SPIRE2: variants seen among roughly 807,000 people sequenced by gnomAD.
SPIRE2 encodes the protein spire type actin nucleation factor 2.
In SPIRE2, 76 loss-of-function variants were observed where a neutral mutation model predicts 80.7. That is an observed-to-expected ratio of 0.94 (90% CI 0.78 to 1.14). SPIRE2 has a LOEUF of 1.14. Among genes scored for constraint, SPIRE2 ranks in the 50% most tolerant of loss-of-function variants. The probability of loss-of-function intolerance (pLI) is 0.00; values close to 1 mark genes in which losing one functional copy is unlikely to be tolerated. For synonymous variants in SPIRE2, 535 were observed against 432.6 expected, an observed-to-expected ratio of 1.24 and a Z score of -2.94; for missense variants, 1,196 against 1,015.3, an observed-to-expected ratio of 1.18 and a Z score of -2.42.
chr16:89,838,081 T>C (rs1403992198), intron 1 of SPIRE2, among the ~76,000 whole-genome samples: 5 of 150,986 alleles, frequency 3.3e-5, no homozygotes, highest in African/African-American at 1.2e-4. Flanking sequence ...CTCACTGCAG[T>C]CTCCGCCTCC....
chr16:89,840,429 T>G lies in SPIRE2; in HGVS notation c.245-4893T>G, dbSNP rs572734180. Among the ~76,000 whole-genome samples the G allele has an allele frequency of 2.7e-3, 409 of 150,932 alleles. 2 individuals carry two copies. The highest frequency in any genetic ancestry group is 4.4e-3 in the Non-Finnish European group (300 of 67,714). ...CAGGCCTGGCTAATTTTTTAGATTT[T>G]TAGTAGAGACGGGGTTTCACCGTGT... On this transcript the variant is annotated intron_variant, in intron 1 of 14. Coordinates refer to ENST00000378247, the MANE Select transcript of SPIRE2 (RefSeq NM_032451.2).
rs566612571 is a variant in SPIRE2 at position 89,849,107 on chromosome 16, TG to T, written c.289-1194del. On this transcript the variant is annotated intron_variant, in intron 2 of 14. Coordinates refer to ENST00000378247, the MANE Select transcript of SPIRE2 (RefSeq NM_032451.2). The stretch of plus-strand genomic sequence containing the variant: ...CTGCCCGGCTCAGGATCAGGTTTCC[TG>T]GGCTCCCAGCAGTGGGTGGTGGGGA... 2.4e-4 allele frequency among the ~76,000 whole-genome samples: 37 copies of T among 152,378 alleles called. No homozygotes were observed. The East Asian group carries it at 6.6e-3, about 27-fold the overall frequency.
At chr16:89,843,698 GTTTTTT>G (rs568062812) in intron 1 of SPIRE2, among the ~76,000 whole-genome samples, 4 of 18,216 alleles carry the variant, frequency 2.2e-4, no homozygotes, top group African/African-American at 7.9e-4. Context: ...TTTGTTTTTT[GTTTTTT>G]TTTTTTTTTT....
At chr16:89,855,173 T>C (rs774629560) in intron 5 of SPIRE2, among the ~76,000 whole-genome samples, 18 of 152,090 alleles carry the variant, frequency 1.2e-4, no homozygotes, top group South Asian at 6.2e-4. Flanking sequence ...CTCCTGACCT[T>C]GTGATCTGCC....
At chr16:89,834,343 C>A (rs1356559201) in intron 1 of SPIRE2, among the ~76,000 whole-genome samples, 1 of 139,040 alleles carries the variant, frequency 7.2e-6, no homozygotes, top group African/African-American at 2.6e-5. Flanking sequence ...AATCTGTGAA[C>A]CTGCCTGTGC....
intron 1 of SPIRE2, among the ~76,000 whole-genome samples, chr16:89,830,835 C>A (rs1240532127): frequency 1.3e-5 from 2 of 150,494 alleles, no homozygotes; most frequent in African/African-American, 4.9e-5. Context: ...CATTTCCAAG[C>A]CAAGATTAGG....
intron 1 of SPIRE2, among the ~76,000 whole-genome samples, chr16:89,842,207 A>ACTTTTTTTTTTTT: frequency 2.4e-5 from 2 of 82,092 alleles, no homozygotes; most frequent in African/African-American, 6.7e-5. Context: ...ATGAACACGT[A>ACTTTTTTTTTTTT]ATTTTTTTTT....
chr16:89,840,530 G>GT (rs1567670524), intron 1 of SPIRE2, among the ~76,000 whole-genome samples: 1 of 150,746 alleles, frequency 6.6e-6, no homozygotes, highest in Non-Finnish European at 1.5e-5. Context: ...TTACAGGCAT[G>GT]AGCCACCATG....
At position 89,870,178 on chromosome 16, in the gene SPIRE2, G is replaced by C; in HGVS notation, c.2051G>C (p.Arg684Pro). 6.2e-7 allele frequency: 1 copy of C among 1,610,008 alleles called. No individual in the cohort carries two copies. ...GTGGCAGACGTGGTGCGTTCCAGCC[G>C]CAAGAGCGTGGACGTCCTCAACACT... Reference protein sequence around the residue: ...SFVADVVRSSRKSVDVLNTTP... With the variant: ...SFVADVVRSSPKSVDVLNTTP... The change falls in exon 15 of 15, where the codon CGC becomes CCC. Residue 684 changes from arginine to proline, a missense_variant. By Grantham distance (103) the Arg-to-Pro change is moderately radical. Transcript: ENST00000378247.
intron 3 of SPIRE2, among the ~76,000 whole-genome samples, 177 bp downstream of exon 3, chr16:89,850,837 T>G (rs1188986385): frequency 6.6e-6 from 1 of 151,926 alleles, no homozygotes; most frequent in African/African-American, 2.4e-5. Context: ...GTTTTTTTGT[T>G]GTTGTTGTTG....
At chr16:89,850,694 C>A in intron 3 of SPIRE2, 34 bp downstream of exon 3, 2 of 445,404 alleles carry the variant, frequency 4.5e-6, no homozygotes, top group East Asian at 8.5e-5. Context: ...GTGGAGGGTC[C>A]GGGAGGCCAG....
chr16:89,858,174 C>T (rs1183394238), intron 7 of SPIRE2, among the ~76,000 whole-genome samples, 164 bp from the exon 8 acceptor site: 1 of 152,172 alleles, frequency 6.6e-6, no homozygotes, highest in Non-Finnish European at 1.5e-5. Flanking sequence ...CGTGAGCCAC[C>T]GCGCCCGGCC....
At chr16:89,860,260 G>A (rs866585302) in intron 9 of SPIRE2, among the ~76,000 whole-genome samples, 7 of 152,012 alleles carry the variant, frequency 4.6e-5, no homozygotes, top group South Asian at 2.1e-4. Context: ...CACCCTCTTC[G>A]CTTTTTTCTT....
intron 1 of SPIRE2, chr16:89,836,448 C>T: frequency 6.3e-6 from 2 of 319,566 alleles, no homozygotes; most frequent in South Asian, 5.1e-5. Flanking sequence ...TTCCTTGCGT[C>T]TCTCTCCATC....
intron 1 of SPIRE2, among the ~76,000 whole-genome samples, chr16:89,835,914 C>T (rs1379178479): frequency 1.3e-5 from 2 of 152,128 alleles, no homozygotes. Flanking sequence ...GTGGCTCACA[C>T]CTGTAATCCC....
Position 89,863,723 on chromosome 16 carries a change from G to A in SPIRE2, c.1711-71G>A. ...ATGATCTGGTTGGGAGCCCTGAGGGGGTAGCAGGGACAGGGCGGGACCCCA... is the reference window on the plus strand; with the variant it reads ...ATGATCTGGTTGGGAGCCCTGAGGGAGTAGCAGGGACAGGGCGGGACCCCA... On this transcript the variant is annotated intron_variant, in intron 11 of 14. Transcript: ENST00000378247. The surrounding 1 kb of genome is among the most constrained non-coding windows in gnomAD (Gnocchi z 4.3). The A allele has an allele frequency of 1.2e-6, 2 of 1,604,320 alleles. No individual in the cohort carries two copies. Among genetic ancestry groups the A allele is most frequent in the Admixed American group, 1.7e-5 (1 of 59,984 alleles).
At chr16:89,849,031 G>C (rs181815229) in intron 2 of SPIRE2, among the ~76,000 whole-genome samples, 1 of 152,254 alleles carries the variant, frequency 6.6e-6, no homozygotes, top group Admixed American at 6.5e-5. Flanking sequence ...CAGGACAGAC[G>C]AGGCTGTGTT....
At chr16:89,861,155 C>T (rs955960651) in intron 10 of SPIRE2, among the ~76,000 whole-genome samples, 1 of 152,168 alleles carries the variant, frequency 6.6e-6, no homozygotes, top group African/African-American at 2.4e-5. Flanking sequence ...CTGGCCGTGA[C>T]GCCGCCACGG....
chr16:89,860,743 C>T lies in SPIRE2; in HGVS notation c.1523C>T (p.Ser508Leu), dbSNP rs141817469. 54,934 of 1,585,084 alleles carry T rather than the reference C, an allele frequency of 0.035. 1,229 individuals carry two copies. Among genetic ancestry groups the T allele is most frequent in the South Asian group, 0.084 (7,300 of 87,018 alleles). ...CCCCTACTCAGCAACCGGGGCTCCT[C>T]GGGGGACAGACCCGAGGCCTCCATG... Reference protein sequence around the residue: ...SHPLLSNRGSSGDRPEASMTP... With the variant: ...SHPLLSNRGSLGDRPEASMTP... Residue 508 changes from serine (S) to leucine (L), a missense_variant, in exon 10 of 15, where the codon TCG (serine) becomes TTG (leucine). Coordinates refer to ENST00000378247, the MANE Select transcript of SPIRE2 (RefSeq NM_032451.2).
Sources: allele counts gnomAD v4.1 joint callset (sites outside exome capture counted in the v4.1 genomes callset), GRCh38; gene constraint gnomAD v4.1.1; non-coding constraint Gnocchi (gnomAD v3.1); transcripts MANE v1.5; gene names NCBI Gene and HGNC (gene_info 2026-07-23, HGNC 2026-07-21).